Variants in TRIO observed in about 807,000 individuals in gnomAD.
TRIO encodes the protein trio Rho guanine nucleotide exchange factor, also known as triple functional domain protein.
A neutral mutation model predicts 351.9 loss-of-function variants in TRIO; 58 were observed. The ratio of observed to expected loss-of-function variants is 0.16; its 90% CI spans 0.13 to 0.21. The LOEUF (loss-of-function observed/expected upper bound fraction) is 0.21, where lower values mean the gene tolerates loss of function less well. Among genes scored for constraint, TRIO ranks in the 10% least tolerant of loss-of-function variants. TRIO has a pLI of 1.00. For synonymous variants in TRIO, 1,758 were observed against 1,595.7 expected (o/e 1.10, Z -2.42); for missense variants, 3,201 against 4,027.8 (o/e 0.79, Z 5.56).
intron 15 of TRIO, among the ~76,000 whole-genome samples, chr5:14,365,849 G>T (rs1744549512): frequency 6.6e-6 from 1 of 152,148 alleles, no homozygotes. Flanking sequence ...GGCTGTTGTA[G>T]CTCCAGCCAT....
chr5:14,490,403 G>A (rs1013919243), intron 48 of TRIO, among the ~76,000 whole-genome samples: 10 of 152,220 alleles, frequency 6.6e-5, no homozygotes, highest in African/African-American at 1.7e-4. Context: ...CCCACAGCCC[G>A]GCTCCCTCTT....
chr5:14,477,839 A>G (rs1055240875), intron 41 of TRIO, among the ~76,000 whole-genome samples: 1 of 152,220 alleles, frequency 6.6e-6, no homozygotes, highest in Non-Finnish European at 1.5e-5. Flanking sequence ...GTATCCAAAA[A>G]TCCAGTTTTT....
rs1746840636 is a variant in TRIO, at chr5:14,389,316, G to A, written c.3976G>A (p.Val1326Met). Residue 1326 changes from valine (V) to methionine (M), a missense_variant, in exon 25 of 57, where the codon GTG (valine) becomes ATG (methionine). Physicochemically the swap from Val to Met is conservative, Grantham distance 21. Coordinates refer to ENST00000344204, the MANE Select transcript of TRIO (RefSeq NM_007118.4). ...DTYLWEMTSG[V>M]EEIPPGIVNK... Reference sequence around the variant, plus strand: ...GTACCTGTGGGAAATGACCAGTGGCGTGGAAGAGATTCCACCTGGCATTGT... The same window carrying A: ...GTACCTGTGGGAAATGACCAGTGGCATGGAAGAGATTCCACCTGGCATTGT... The A allele has an allele frequency of 5.6e-6, 9 of 1,612,104 alleles. No individual in the cohort carries two copies. Among genetic ancestry groups the A allele is most frequent in the Non-Finnish European group, 6.8e-6 (8 of 1,179,328 alleles).
chr5:14,336,693 A>T lies in TRIO; in HGVS notation c.2012A>T (p.Asp671Val). 2 of 1,614,222 alleles carry T rather than the reference A, an allele frequency of 1.2e-6. No individual in the cohort carries two copies. Among genetic ancestry groups the T allele is most frequent in the Non-Finnish European group, 8.5e-7 (1 of 1,180,052 alleles). ...GTTGAGCAGCGAAAGATCCTACTGG[A>T]CATGTCAGTGTCCTTTCACACCCAT... Reference protein sequence around the residue: ...RRVEQRKILLDMSVSFHTHVK... With the variant: ...RRVEQRKILLVMSVSFHTHVK... The change falls in exon 11 of 57, where the codon GAC becomes GTC. Residue 671 changes from aspartate to valine, a missense_variant. Asp to Val is a radical substitution (Grantham distance 152). This residue lies in a region of TRIO where 363 missense variants were observed against 553.5 expected (regional missense o/e 0.66). Coordinates refer to ENST00000344204, the MANE Select transcript of TRIO (RefSeq NM_007118.4).
chr5:14,409,312 A>G (rs1255357368), intron 33 of TRIO, among the ~76,000 whole-genome samples: 2 of 151,874 alleles, frequency 1.3e-5, no homozygotes, highest in Non-Finnish European at 2.9e-5. Flanking sequence ...CTGGGAATAC[A>G]GCAAATTATA....
chr5:14,313,575 T>G (rs1739116350), intron 8 of TRIO, among the ~76,000 whole-genome samples: 1 of 151,726 alleles, frequency 6.6e-6, no homozygotes, highest in Non-Finnish European at 1.5e-5. Context: ...AGATGGAAAT[T>G]GGCTTTCTCC....
At chr5:14,405,818 T>G in intron 31 of TRIO, 30 bp from the exon 32 acceptor site, 1 of 1,605,586 alleles carries the variant, frequency 6.2e-7, no homozygotes, top group Non-Finnish European at 8.5e-7. Flanking sequence ...GGCCGTTCCG[T>G]ATCCTAAGCA....
At chr5:14,362,942 T>G (rs1451791572) in intron 13 of TRIO, among the ~76,000 whole-genome samples, 1 of 152,132 alleles carries the variant, frequency 6.6e-6, no homozygotes, top group African/African-American at 2.4e-5. Flanking sequence ...CATTATGAAA[T>G]GTTCTTTTAT....
intron 8 of TRIO, among the ~76,000 whole-genome samples, chr5:14,306,943 G>T (rs958254339): frequency 2.0e-5 from 3 of 152,138 alleles, no homozygotes; most frequent in African/African-American, 7.2e-5. Context: ...AAGTTAAACA[G>T]CCTCTCAAAC....
Position 14,233,833 on chromosome 5 carries a change from C to G in TRIO, c.158-36992C>G, listed in dbSNP as rs1017189325. Among the ~76,000 whole-genome samples, 17 of 152,198 alleles carry G rather than the reference C, an allele frequency of 1.1e-4. No individual in the cohort carries two copies. The East Asian group carries it at 2.5e-3, about 22-fold the overall frequency. On this transcript the variant is annotated intron_variant, in intron 1 of 56. Coordinates refer to ENST00000344204, the MANE Select transcript of TRIO (RefSeq NM_007118.4). Reference sequence around the variant, plus strand: ...TTGTTTTGAGTCTCACTTTGTCACCCAGATTAGAGTGGAGTAGCACAATTA... The same window carrying G: ...TTGTTTTGAGTCTCACTTTGTCACCGAGATTAGAGTGGAGTAGCACAATTA...
chr5:14,384,426 A>C (rs1240485152), intron 21 of TRIO, among the ~76,000 whole-genome samples: 1 of 152,244 alleles, frequency 6.6e-6, no homozygotes, highest in Non-Finnish European at 1.5e-5. Context: ...GATTATGCCT[A>C]CAGATGAAGT....
rs143986334 is a variant in TRIO at position 14,237,850 on chromosome 5, G to T, written c.158-32975G>T. 4.4e-3 allele frequency among the ~76,000 whole-genome samples: 666 copies of T among 152,280 alleles called. 11 individuals carry two copies. The highest frequency in any genetic ancestry group is 0.027 in the South Asian group (128 of 4,826). On this transcript the variant is annotated intron_variant, in intron 1 of 56. Coordinates refer to ENST00000344204, the MANE Select transcript of TRIO (RefSeq NM_007118.4). ...TTACCAGCTGAGCCCAAAACTGCTTGCTTGGTTTTAATTTGGAGGTTGCTA... is the reference window on the plus strand; with the variant it reads ...TTACCAGCTGAGCCCAAAACTGCTTTCTTGGTTTTAATTTGGAGGTTGCTA...
At chr5:14,441,096 C>T (rs1752001705) in intron 34 of TRIO, 1 of 152,612 alleles carries the variant, frequency 6.6e-6, no homozygotes, top group Non-Finnish European at 1.5e-5. Context: ...CGCTGCCAGT[C>T]TGTGTGCCTG....
At chr5:14,400,756 G>T (rs929114492) in intron 30 of TRIO, among the ~76,000 whole-genome samples, 1 of 152,120 alleles carries the variant, frequency 6.6e-6, no homozygotes, top group Non-Finnish European at 1.5e-5. Flanking sequence ...AGTAAGAGAC[G>T]CTCACAGGAA....
At chr5:14,454,876 T>G (rs951957479) in intron 34 of TRIO, among the ~76,000 whole-genome samples, 1 of 152,172 alleles carries the variant, frequency 6.6e-6, no homozygotes, top group Non-Finnish European at 1.5e-5. Flanking sequence ...TGTTCAGACG[T>G]GTTTGGAGTT....
chr5:14,497,136 GC>G lies in TRIO; in HGVS notation c.8019+123del. Reference sequence around the variant, plus strand: ...CTTATGACCTCCCTCCCACCCACCAGCCCCGTGCCCTGCGTGTCCTGTAGGG... The same window carrying G: ...CTTATGACCTCCCTCCCACCCACCAGCCCGTGCCCTGCGTGTCCTGTAGGG... On this transcript the variant is annotated intron_variant, in intron 50 of 56. Coordinates refer to ENST00000344204, the MANE Select transcript of TRIO (RefSeq NM_007118.4). The surrounding 1 kb of genome is among the most constrained non-coding windows in gnomAD (Gnocchi z 4.4). 2 of 1,421,032 alleles carry G rather than the reference GC, an allele frequency of 1.4e-6. No individual in the cohort carries two copies. Among genetic ancestry groups the G allele is most frequent in the East Asian group, 2.5e-5 (1 of 40,228 alleles). 88.0% of individuals were successfully genotyped at this position (1,421,032 alleles called of 1,614,324 possible).
At chr5:14,233,584 A>G (rs1304154393) in intron 1 of TRIO, among the ~76,000 whole-genome samples, 1 of 151,986 alleles carries the variant, frequency 6.6e-6, no homozygotes, top group Admixed American at 6.6e-5. Context: ...TATCTTATTA[A>G]TACATACCAA....
chr5:14,414,669 TTA>T, intron 33 of TRIO, among the ~76,000 whole-genome samples: 1 of 152,252 alleles, frequency 6.6e-6, no homozygotes, highest in Non-Finnish European at 1.5e-5. Flanking sequence ...TTCACCATTT[TTA>T]TGTCCTCACA....
intron 1 of TRIO, among the ~76,000 whole-genome samples, chr5:14,261,160 A>G (rs1284879657): frequency 6.6e-6 from 1 of 152,168 alleles, no homozygotes. Context: ...TTAAACCCAA[A>G]TCGTGGTTCA....
Sources: gnomAD v4.1 joint callset for allele counts (sites outside exome capture counted in the v4.1 genomes callset) on GRCh38, gnomAD v4.1.1 for gene constraint, gnomAD v4.1.1 regional missense constraint, Gnocchi (gnomAD v3.1) non-coding constraint, MANE v1.5 for transcripts, NCBI Gene and HGNC (gene_info 2026-07-23, HGNC 2026-07-21) for gene names.